The following KRCC1 variants were observed in gnomAD, a reference collection of about 807,000 sequenced individuals.
The protein encoded by KRCC1 is lysine rich coiled-coil 1.
In KRCC1, 3 loss-of-function variants were observed where a neutral mutation model predicts 7.4. That is an observed-to-expected ratio of 0.40 (90% CI 0.18 to 1.04). The LOEUF is 1.04. Among genes scored for constraint, KRCC1 ranks in the 50% least tolerant of loss-of-function variants. The pLI is 0.33. For missense variants in KRCC1, 277 were observed against 300.9 expected, an observed-to-expected ratio of 0.92 and a Z score of 0.59; for synonymous variants, 102 against 101.6, an observed-to-expected ratio of 1.00 and a Z score of -0.02.
chr2:88,047,552 A>T (rs916169374), intron 1 of KRCC1, among the ~76,000 whole-genome samples: 1 of 152,116 alleles, frequency 6.6e-6, no homozygotes, highest in African/African-American at 2.4e-5. Flanking sequence ...TTTTTTTGAG[A>T]CAGGGTCTCA....
chr2:88,050,921 T>C (rs1558837654), intron 1 of KRCC1, among the ~76,000 whole-genome samples: 2 of 70,482 alleles, frequency 2.8e-5, no homozygotes, highest in Non-Finnish European at 7.2e-5. Context: ...TCTTCCTTAC[T>C]TGCTTTTTTT....
chr2:88,041,345 C>T (rs1004126033), intron 1 of KRCC1, among the ~76,000 whole-genome samples: 1 of 151,750 alleles, frequency 6.6e-6, no homozygotes, highest in Non-Finnish European at 1.5e-5. Context: ...TTGTTGTTAT[C>T]CCCCAGAAGG....
intron 1 of KRCC1, among the ~76,000 whole-genome samples, chr2:88,042,396 C>A (rs1334956742): frequency 6.6e-6 from 1 of 151,802 alleles, no homozygotes; most frequent in African/African-American, 2.4e-5. Flanking sequence ...CTCTTTGTTT[C>A]TTTTCTTTGA....
chr2:88,039,511 A>G (rs559699363), intron 1 of KRCC1, among the ~76,000 whole-genome samples: 1 of 151,922 alleles, frequency 6.6e-6, no homozygotes, highest in Non-Finnish European at 1.5e-5. Context: ...ACATGGCAAA[A>G]CCCTGTCTCT....
rs570613613 is a variant in KRCC1, at chr2:88,051,606, A to G, written c.-291+4020T>C. On this transcript the variant is annotated intron_variant, in intron 1 of 3. Transcript: ENST00000347055. The stretch of plus-strand genomic sequence containing the variant: ...GCAGTAACTGAAATTTTAATGAAAG[A>G]TATTTACCGGAAGTAAAGTGACAAT... Among the ~76,000 whole-genome samples, 21 of 152,364 alleles carry G rather than the reference A, an allele frequency of 1.4e-4. No homozygotes were observed. The East Asian group carries it at 3.1e-3, about 22-fold the overall frequency.
intron 1 of KRCC1, among the ~76,000 whole-genome samples, chr2:88,055,146 G>A (rs1673588656): frequency 6.9e-6 from 1 of 143,994 alleles, no homozygotes; most frequent in South Asian, 2.2e-4. Context: ...GCTACTTCCT[G>A]CTTTCCCCGA....
rs1445731851 is a variant in KRCC1 at position 88,027,977 on chromosome 2, T to C, written c.587A>G (p.Gln196Arg). ...EIDLDKHKSI[Q>R]RKKTEVEIET... ...TATTTCCACCTCTGTTTTCTTTCTT[T>C]GGATGCTCTTGTGTTTGTCTAAGTC... The change falls in exon 4 of 4, where the codon CAA (glutamine) becomes CGA (arginine). Residue 196 changes from glutamine (Q) to arginine (R), a missense_variant. Gln to Arg is a conservative substitution (Grantham distance 43, BLOSUM62 1). Transcript: ENST00000347055. 1 of 1,613,816 alleles carries C rather than the reference T, an allele frequency of 6.2e-7. No individual in the cohort carries two copies. Among genetic ancestry groups the C allele is most frequent in the Non-Finnish European group, 8.5e-7 (1 of 1,179,986 alleles).
chr2:88,031,905 G>T (rs2104605177), intron 3 of KRCC1, among the ~76,000 whole-genome samples: 1 of 151,996 alleles, frequency 6.6e-6, no homozygotes, highest in Middle Eastern at 3.4e-3. Flanking sequence ...CACTTTGGGA[G>T]GCTGAAGTAG....
intron 2 of KRCC1, among the ~76,000 whole-genome samples, chr2:88,036,168 C>G (rs570905997): frequency 2.2e-3 from 341 of 152,290 alleles, no homozygotes; most frequent in Non-Finnish European, 3.4e-3. Flanking sequence ...GTAAATGTAT[C>G]TACTACTTTT....
chr2:88,031,326 G>GA (rs199529374), intron 3 of KRCC1, among the ~76,000 whole-genome samples: 3,406 of 145,826 alleles, frequency 0.023, 209 homozygotes, highest in East Asian at 0.13. Context: ...TTTAACAAGT[G>GA]AAAAAAAAAA....
intron 1 of KRCC1, among the ~76,000 whole-genome samples, chr2:88,039,595 C>G (rs1673162808): frequency 6.6e-6 from 1 of 151,996 alleles, no homozygotes; most frequent in South Asian, 2.1e-4. Flanking sequence ...GGCTGAAGTA[C>G]GAGAATCTCT....
intron 3 of KRCC1, among the ~76,000 whole-genome samples, chr2:88,029,723 TG>T (rs1672955937): frequency 6.6e-6 from 1 of 151,752 alleles, no homozygotes; most frequent in Non-Finnish European, 1.5e-5. Flanking sequence ...GATTCTTTTT[TG>T]GGGGGAAGGG....
At chr2:88,029,806 C>A in intron 3 of KRCC1, among the ~76,000 whole-genome samples, 1 of 147,064 alleles carries the variant, frequency 6.8e-6, no homozygotes. Flanking sequence ...AATGTACTTA[C>A]TATGAAATTA....
At chr2:88,048,775 G>A (rs570861691) in intron 1 of KRCC1, among the ~76,000 whole-genome samples, 3 of 152,336 alleles carry the variant, frequency 2.0e-5, no homozygotes, top group East Asian at 1.9e-4. Flanking sequence ...AGGGAGTTCT[G>A]TAATCCAATA....
chr2:88,053,385 C>CA (rs150000025), intron 1 of KRCC1, among the ~76,000 whole-genome samples: 27,709 of 152,094 alleles, frequency 0.18, 2,882 homozygotes, highest in Non-Finnish European at 0.23. Context: ...ATTGCAAAAT[C>CA]AAAAACAAAA....
At chr2:88,052,578 CG>C (rs1673516964) in intron 1 of KRCC1, among the ~76,000 whole-genome samples, 1 of 139,238 alleles carries the variant, frequency 7.2e-6, no homozygotes, top group South Asian at 2.2e-4. Context: ...TGGGCAACTG[CG>C]TAAGTGAATA....
intron 1 of KRCC1, among the ~76,000 whole-genome samples, chr2:88,052,394 G>A (rs781066586): frequency 6.6e-6 from 1 of 152,222 alleles, no homozygotes; most frequent in Non-Finnish European, 1.5e-5. Context: ...TAAGCACTGT[G>A]CATGTACCTA....
chr2:88,029,451 A>C (rs1234243168), intron 3 of KRCC1, among the ~76,000 whole-genome samples: 1 of 152,114 alleles, frequency 6.6e-6, no homozygotes, highest in Non-Finnish European at 1.5e-5. Context: ...TTCAGTTATA[A>C]GATGAAAACT....
intron 1 of KRCC1, among the ~76,000 whole-genome samples, chr2:88,052,313 T>C (rs1309107732): frequency 6.6e-6 from 1 of 152,284 alleles, no homozygotes; most frequent in Non-Finnish European, 1.5e-5. Flanking sequence ...CTGAGAGTTC[T>C]AATTTGTCTT....
Sources: gnomAD v4.1 joint callset for allele counts (sites outside exome capture counted in the v4.1 genomes callset) on GRCh38, gnomAD v4.1.1 for gene constraint, MANE v1.5 for transcripts, NCBI Gene and HGNC (gene_info 2026-07-23, HGNC 2026-07-21) for gene names.